Variants in RUFY2 observed in about 807,000 individuals in gnomAD.
The protein encoded by RUFY2 is RUN and FYVE domain containing 2, also known as RUN and FYVE domain-containing protein 2.
Under a neutral mutation model 94.4 loss-of-function variants are expected in RUFY2, and 49 were observed. The observed-to-expected ratio is 0.52, with a 90% CI of 0.41 to 0.66. The LOEUF (loss-of-function observed/expected upper bound fraction) is 0.66. Ranked by LOEUF, RUFY2 falls within the 30% of genes least tolerant of loss-of-function variation. The probability of loss-of-function intolerance (pLI) is 0.00; values close to 1 mark genes in which losing one functional copy is unlikely to be tolerated. For missense variants in RUFY2, 541 were observed against 692.8 expected, an observed-to-expected ratio of 0.78 and a Z score of 2.46; for synonymous variants, 255 against 235.7, an observed-to-expected ratio of 1.08 and a Z score of -0.75.
rs1296366858 is a variant in RUFY2 at position 68,394,149 on chromosome 10, A to C, written c.523-13T>G. 2 of 1,487,404 alleles carry C rather than the reference A, an allele frequency of 1.3e-6. No homozygotes were observed. The highest frequency in any genetic ancestry group is 1.8e-6 in the Non-Finnish European group (2 of 1,111,686). The allele number at this position is 1,487,404 out of a possible 1,614,324, so 92.1% of individuals were successfully genotyped here. A position where few individuals can be genotyped will look rare whatever the true frequency, so the allele number is the denominator to read the frequency against. On this transcript the variant is annotated splice_polypyrimidine_tract_variant and intron_variant, in intron 5 of 17. Coordinates refer to ENST00000602465, the MANE Select transcript of RUFY2 (RefSeq NM_001330103.2). ...CAATCACTCCAACCTGAAGTAAATA[A>C]AGTTTTTTTTAATTTAAAGGGGAGA...
rs568412583 is a variant in RUFY2 at position 68,344,034 on chromosome 10, T to C, written c.*1734A>G. 6.6e-6 allele frequency: 1 copy of C among 152,298 alleles called. No individual in the cohort carries two copies. The highest frequency in any genetic ancestry group is 2.1e-4 in the South Asian group (1 of 4,830). 9.4% of individuals were successfully genotyped at this position (152,298 alleles called of 1,614,324 possible). ...GTTTATTCAGTAATCATAAAAATGTTAGCCCATCCCACCTATCAATACAAA... is the reference window on the plus strand; with the variant it reads ...GTTTATTCAGTAATCATAAAAATGTCAGCCCATCCCACCTATCAATACAAA... On this transcript the variant is annotated 3_prime_UTR_variant, in exon 18 of 18. Coordinates refer to ENST00000602465, the MANE Select transcript of RUFY2 (RefSeq NM_001330103.2).
chr10:68,361,450 G>A (rs1213769951), intron 15 of RUFY2, among the ~76,000 whole-genome samples: 2 of 152,130 alleles, frequency 1.3e-5, no homozygotes, highest in African/African-American at 2.4e-5. Context: ...TTAGTATAGT[G>A]CCTGGCACAT....
rs1289697250 is a variant in RUFY2 at position 68,343,984 on chromosome 10, A to G, written c.*1784T>C. 1 of 152,116 alleles carries G rather than the reference A, an allele frequency of 6.6e-6. No individual in the cohort carries two copies. Among genetic ancestry groups the G allele is most frequent in the Admixed American group, 6.5e-5 (1 of 15,272 alleles). 9.4% of individuals were successfully genotyped at this position (152,116 alleles called of 1,614,324 possible). A position where few individuals can be genotyped will look rare whatever the true frequency, so the allele number is the denominator to read the frequency against. On this transcript the variant is annotated 3_prime_UTR_variant, in exon 18 of 18. Coordinates refer to ENST00000602465, the MANE Select transcript of RUFY2 (RefSeq NM_001330103.2). ...TTTGTTCTAAGCACAGTAATAAAAA[A>G]GCATATTTGAAAATTTCATTTTTTG...
chr10:68,389,539 G>A (rs774216154), intron 7 of RUFY2, among the ~76,000 whole-genome samples: 2 of 150,894 alleles, frequency 1.3e-5, no homozygotes, highest in Non-Finnish European at 3.0e-5. Flanking sequence ...GCAGTGAGCC[G>A]AGATCACACC....
In RUFY2 at chr10:68,393,036, T is replaced by C. The variant is rs1470419099; in HGVS notation, c.650+102A>G. On this transcript the variant is annotated intron_variant, in intron 7 of 17. Coordinates refer to ENST00000602465, the MANE Select transcript of RUFY2 (RefSeq NM_001330103.2). ...ATTTTCTCTCTATCCCCTCAACCCC[T>C]TCTCAAAGACTCTTAGAAGAAAGGA... 3 of 488,484 alleles carry C rather than the reference T, an allele frequency of 6.1e-6. No individual in the cohort carries two copies. In the East Asian group the frequency reaches 1.0e-4, roughly 17 times the overall value. 30.3% of individuals were successfully genotyped at this position (488,484 alleles called of 1,614,324 possible). A position where few individuals can be genotyped will look rare whatever the true frequency, so the allele number is the denominator to read the frequency against.
chr10:68,355,658 T>C (rs2046993409), intron 15 of RUFY2: 1 of 266,082 alleles, frequency 3.8e-6, no homozygotes, highest in South Asian at 3.9e-5. Flanking sequence ...CTCATGCCTG[T>C]AATCCCAGCA....
intron 1 of RUFY2, chr10:68,405,655 A>G: frequency 1.1e-6 from 1 of 951,748 alleles, no homozygotes; most frequent in Non-Finnish European, 1.3e-6. Context: ...CAAACATGAC[A>G]GGTAAAATAC....
At chr10:68,357,030 G>C (rs1320582284) in intron 15 of RUFY2, among the ~76,000 whole-genome samples, 2 of 151,610 alleles carry the variant, frequency 1.3e-5, no homozygotes, top group African/African-American at 2.4e-5. Flanking sequence ...AGCTGGGCGT[G>C]GTGAGGGGCG....
chr10:68,347,290 TTTTTTTTTTTTG>T (rs1208764094), intron 16 of RUFY2, among the ~76,000 whole-genome samples: 4 of 146,934 alleles, frequency 2.7e-5, no homozygotes, highest in Non-Finnish European at 4.5e-5. Context: ...TTTTTTTTTT[TTTTTTTTTTTTG>T]AAAAGAGAGT....
At chr10:68,365,750 T>C (rs138202885) in intron 13 of RUFY2, among the ~76,000 whole-genome samples, 1 of 152,184 alleles carries the variant, frequency 6.6e-6, no homozygotes, top group Non-Finnish European at 1.5e-5. Context: ...TAGCCTATGA[T>C]AAAACTGGTT....
intron 14 of RUFY2, 135 bp downstream of exon 14, chr10:68,363,849 A>G (rs1347781608): frequency 1.2e-6 from 1 of 847,650 alleles, no homozygotes; most frequent in African/African-American, 1.7e-5. Flanking sequence ...TTTTCCATTT[A>G]CTTAATCTCT....
chr10:68,361,989 G>C lies in RUFY2; in HGVS notation c.1550+1601C>G, dbSNP rs546816928. 3.9e-5 allele frequency among the ~76,000 whole-genome samples: 6 copies of C among 152,278 alleles called. No homozygotes were observed. The East Asian group carries it at 7.7e-4, about 20-fold the overall frequency. On this transcript the variant is annotated intron_variant, in intron 15 of 17. Transcript: ENST00000602465. Reference sequence around the variant, plus strand: ...TCAAAGAGATTTATACAGGTGAAGAGATTATGAGACATTGTAGCTTTCTTA... The same window carrying C: ...TCAAAGAGATTTATACAGGTGAAGACATTATGAGACATTGTAGCTTTCTTA...
At chr10:68,401,422 G>A (rs193059173) in intron 3 of RUFY2, among the ~76,000 whole-genome samples, 198 bp downstream of exon 3, 50 of 152,240 alleles carry the variant, frequency 3.3e-4, no homozygotes, top group African/African-American at 1.1e-3. Context: ...AATTTTGATC[G>A]AAGAGGCTAA....
chr10:68,364,984 G>C (rs1207317707), intron 13 of RUFY2, among the ~76,000 whole-genome samples: 1 of 151,402 alleles, frequency 6.6e-6, no homozygotes, highest in East Asian at 1.9e-4. Flanking sequence ...TAACAAGTGA[G>C]GCATTTATCT....
rs191121239 is a variant in RUFY2, at chr10:68,349,143, A to G, written c.1600-3059T>C. Among the ~76,000 whole-genome samples the G allele has an allele frequency of 1.6e-4, 24 of 152,280 alleles. No individual in the cohort carries two copies. The East Asian group carries it at 2.9e-3, about 18-fold the overall frequency. The stretch of plus-strand genomic sequence containing the variant: ...TTAACAACCCACCCAACCAATACAC[A>G]CACAAGGTTTCCGATAACTCTTATT... On this transcript the variant is annotated intron_variant, in intron 16 of 17. Coordinates refer to ENST00000602465, the MANE Select transcript of RUFY2 (RefSeq NM_001330103.2).
At chr10:68,390,728 T>C (rs926946294) in intron 7 of RUFY2, among the ~76,000 whole-genome samples, 1 of 151,958 alleles carries the variant, frequency 6.6e-6, no homozygotes, top group African/African-American at 2.4e-5. Context: ...TCAAAGTAGC[T>C]AGGACTATAG....
In RUFY2 at chr10:68,345,422, T is replaced by A. The variant is rs1444418681; in HGVS notation, c.*346A>T. On this transcript the variant is annotated 3_prime_UTR_variant, in exon 18 of 18. Coordinates refer to ENST00000602465, the MANE Select transcript of RUFY2 (RefSeq NM_001330103.2). ...AAGCTTTAAAGTGCATTAAGAGAAC[T>A]GCAGGCACCATCAAATACCAAATTG... 2.5e-6 allele frequency: 1 copy of A among 400,934 alleles called. No homozygotes were observed. Among genetic ancestry groups the A allele is most frequent in the Non-Finnish European group, 4.4e-6 (1 of 228,128 alleles). 24.8% of individuals were successfully genotyped at this position (400,934 alleles called of 1,614,324 possible).
chr10:68,377,187 C>T, intron 12 of RUFY2: 1 of 1,391,786 alleles, frequency 7.2e-7, no homozygotes, highest in East Asian at 2.8e-5. Flanking sequence ...TGTAGTATGC[C>T]CAGAATACTA....
intron 10 of RUFY2, 37 bp downstream of exon 10, chr10:68,383,761 G>T: frequency 7.3e-7 from 1 of 1,378,186 alleles, no homozygotes; most frequent in Non-Finnish European, 1.0e-6. Flanking sequence ...ATTACTCCCA[G>T]GATGATCTTG....
Sources: allele counts gnomAD v4.1 joint callset (sites outside exome capture counted in the v4.1 genomes callset), GRCh38; gene constraint gnomAD v4.1.1; transcripts MANE v1.5; gene names NCBI Gene and HGNC (gene_info 2026-07-23, HGNC 2026-07-21).